The following VAT1L variants were observed in gnomAD, a reference collection of about 807,000 sequenced individuals.
VAT1L encodes vesicle amine transport 1 like, also known as putative NADPH-dependent quinone oxidoreductase VAT1L.
A neutral mutation model predicts 44.1 loss-of-function variants in VAT1L; 34 were observed. The ratio of observed to expected loss-of-function variants is 0.77; its 90% CI spans 0.59 to 1.03. The LOEUF (loss-of-function observed/expected upper bound fraction) is 1.03. VAT1L is among the 50% of genes least tolerant of loss of function. VAT1L has a pLI of 0.00. For missense variants in VAT1L, 615 were observed against 538.8 expected (o/e 1.14, Z -1.40); for synonymous variants, 253 against 202.2 (o/e 1.25, Z -2.13).
chr16:77,931,154 T>C (rs774940713), intron 7 of VAT1L, among the ~76,000 whole-genome samples: 46 of 152,322 alleles, frequency 3.0e-4, no homozygotes, highest in African/African-American at 9.9e-4. Context: ...GCCTCCTCGA[T>C]AGAATTATGA....
chr16:77,902,804 A>G (rs752056812), intron 7 of VAT1L, among the ~76,000 whole-genome samples: 2 of 151,156 alleles, frequency 1.3e-5, no homozygotes, highest in Non-Finnish European at 2.9e-5. Context: ...CCCCATCTCT[A>G]CTAAAAATAC....
At chr16:77,941,166 G>C (rs969740848) in intron 7 of VAT1L, among the ~76,000 whole-genome samples, 1 of 152,074 alleles carries the variant, frequency 6.6e-6, no homozygotes, top group Non-Finnish European at 1.5e-5. Context: ...TTGTACTAAG[G>C]TGGTACCTGG....
chr16:77,941,678 C>T (rs951577765), intron 7 of VAT1L, among the ~76,000 whole-genome samples: 16 of 152,188 alleles, frequency 1.1e-4, no homozygotes, highest in African/African-American at 2.2e-4. Context: ...CTCCAGCTCC[C>T]GGGTTTAAGC....
intron 7 of VAT1L, among the ~76,000 whole-genome samples, chr16:77,952,439 C>T (rs910177651): frequency 2.0e-5 from 3 of 151,992 alleles, no homozygotes; most frequent in African/African-American, 7.3e-5. Flanking sequence ...ATTGTGGGGC[C>T]CCTCCTCCCT....
At chr16:77,877,250 C>A (rs369574965) in intron 5 of VAT1L, among the ~76,000 whole-genome samples, 7 of 152,112 alleles carry the variant, frequency 4.6e-5, no homozygotes, top group Non-Finnish European at 1.0e-4. Flanking sequence ...GTGGCTCACG[C>A]CTGTAATCCC....
At chr16:77,799,847 C>G (rs1053000945) in intron 1 of VAT1L, among the ~76,000 whole-genome samples, 2 of 152,112 alleles carry the variant, frequency 1.3e-5, no homozygotes, top group African/African-American at 4.8e-5. Context: ...TTTTGGTAAT[C>G]TTGGAAGTTC....
intron 7 of VAT1L, among the ~76,000 whole-genome samples, chr16:77,922,936 C>A (rs1361460217): frequency 2.0e-5 from 3 of 152,158 alleles, no homozygotes; most frequent in African/African-American, 7.2e-5. Flanking sequence ...GGGACCTCAA[C>A]CCAGACCTGT....
Position 77,880,413 on chromosome 16 carries a change from G to T in VAT1L, c.882+1189G>T, listed in dbSNP as rs148818833. On this transcript the variant is annotated intron_variant, in intron 6 of 8. Transcript: ENST00000302536. Reference sequence around the variant, plus strand: ...GGGCTCAAGCAATCCGCTTGCCTCAGCCTCCCAAAGTGCTGGAATTATAGG... The same window carrying T: ...GGGCTCAAGCAATCCGCTTGCCTCATCCTCCCAAAGTGCTGGAATTATAGG... Among the ~76,000 whole-genome samples the T allele has an allele frequency of 2.2e-4, 33 of 152,098 alleles. No homozygotes were observed. The East Asian group carries it at 6.0e-3, about 28-fold the overall frequency.
intron 1 of VAT1L, among the ~76,000 whole-genome samples, chr16:77,792,564 T>C (rs2015854199): frequency 6.6e-6 from 1 of 152,038 alleles, no homozygotes; most frequent in Non-Finnish European, 1.5e-5. Flanking sequence ...TTGTGTGTCA[T>C]TGGCTGTGAG....
intron 3 of VAT1L, among the ~76,000 whole-genome samples, chr16:77,830,810 A>C (rs2016570734): frequency 6.6e-6 from 1 of 152,118 alleles, no homozygotes; most frequent in Non-Finnish European, 1.5e-5. Context: ...CAGCCTCCTG[A>C]GTAGCTGGGA....
intron 3 of VAT1L, among the ~76,000 whole-genome samples, 177 bp from the exon 4 acceptor site, chr16:77,862,571 G>A (rs552871256): frequency 1.3e-4 from 18 of 143,272 alleles, no homozygotes; most frequent in African/African-American, 4.2e-4. Flanking sequence ...AGCCGAGATC[G>A]CACCACTGCA....
intron 3 of VAT1L, among the ~76,000 whole-genome samples, chr16:77,830,919 G>A (rs1453706708): frequency 1.3e-5 from 2 of 152,196 alleles, no homozygotes; most frequent in Non-Finnish European, 2.9e-5. Context: ...CCTGATCTCA[G>A]GTGATCTGCC....
Position 77,817,048 on chromosome 16 carries a change from G to C in VAT1L, c.361G>C (p.Glu121Gln). The change falls in exon 2 of 9, where the codon GAG becomes CAG. Residue 121 changes from glutamate (E) to glutamine (Q), a missense_variant and splice_region_variant. Physicochemically the swap from Glu to Gln is conservative, Grantham distance 29. Transcript: ENST00000302536. ...EALGDSVKGY[E>Q]IGDRVMAFVN... ...TCTGGGGGACAGCGTGAAAGGATAT[G>C]AGGTAATGTTTGGCTCTCAATTGAA... 6.2e-7 allele frequency: 1 copy of C among 1,612,624 alleles called. No individual in the cohort carries two copies. Among genetic ancestry groups the C allele is most frequent in the East Asian group, 2.2e-5 (1 of 44,866 alleles).
At chr16:77,904,131 C>T (rs557842044) in intron 7 of VAT1L, among the ~76,000 whole-genome samples, 41 of 151,550 alleles carry the variant, frequency 2.7e-4, no homozygotes, top group African/African-American at 8.5e-4. Flanking sequence ...AAAAGAGAAA[C>T]GCTTCTGTAT....
At chr16:77,807,745 A>G (rs1432422188) in intron 1 of VAT1L, among the ~76,000 whole-genome samples, 1 of 152,044 alleles carries the variant, frequency 6.6e-6, no homozygotes, top group Non-Finnish European at 1.5e-5. Context: ...TTTTACATAT[A>G]CTGTCACATG....
At chr16:77,935,828 GT>G (rs1458564147) in intron 7 of VAT1L, among the ~76,000 whole-genome samples, 1 of 152,100 alleles carries the variant, frequency 6.6e-6, no homozygotes, top group African/African-American at 2.4e-5. Context: ...ATGAGCTTCA[GT>G]TTTTTTCATT....
intron 7 of VAT1L, among the ~76,000 whole-genome samples, chr16:77,896,800 T>C (rs532313122): frequency 6.4e-4 from 97 of 152,354 alleles, no homozygotes; most frequent in African/African-American, 2.0e-3. Flanking sequence ...CAGCTCTGAA[T>C]ACATTCCTGT....
intron 7 of VAT1L, among the ~76,000 whole-genome samples, chr16:77,903,307 C>T (rs555180549): frequency 2.0e-4 from 31 of 152,198 alleles, no homozygotes; most frequent in Middle Eastern, 3.4e-3. Context: ...ATTTGCTTTT[C>T]GTTTTTCTTT....
At chr16:77,887,299 G>C (rs2017218857) in intron 7 of VAT1L, among the ~76,000 whole-genome samples, 1 of 152,180 alleles carries the variant, frequency 6.6e-6, no homozygotes, top group Admixed American at 6.5e-5. Context: ...GCAGCAGGGG[G>C]CTGCTATAGG....
Sources: allele counts gnomAD v4.1 joint callset (sites outside exome capture counted in the v4.1 genomes callset), GRCh38; gene constraint gnomAD v4.1.1; transcripts MANE v1.5; gene names NCBI Gene and HGNC (gene_info 2026-07-23, HGNC 2026-07-21).